RCC2: variants seen among roughly 807,000 people sequenced by gnomAD.
RCC2 encodes regulator of chromosome condensation 2, also known as protein RCC2.
A neutral mutation model predicts 64.1 loss-of-function variants in RCC2; 19 were observed. That is an observed-to-expected ratio of 0.30 (90% CI 0.21 to 0.44). RCC2 has a LOEUF of 0.44. Among genes scored for constraint, RCC2 ranks in the 20% least tolerant of loss-of-function variants. The pLI, the probability that RCC2 is intolerant of heterozygous loss-of-function variation, is 1.00. For synonymous variants in RCC2, 325 were observed against 279.6 expected (o/e 1.16, Z -1.62); for missense variants, 508 against 710.4 (o/e 0.72, Z 3.24).
intron 1 of RCC2, 150 bp downstream of exon 1, chr1:17,439,395 T>G (rs1195180146): frequency 6.7e-6 from 1 of 148,276 alleles, no homozygotes; most frequent in African/African-American, 2.5e-5. Flanking sequence ...TTAAACCACG[T>G]GGATCCGCCT....
Position 17,422,845 on chromosome 1 carries a change from C to G in RCC2, c.524-9G>C. 6.2e-7 allele frequency: 1 copy of G among 1,613,918 alleles called. No individual in the cohort carries two copies. The highest frequency in any genetic ancestry group is 1.3e-5 in the African/African-American group (1 of 75,046). On this transcript the variant is annotated splice_polypyrimidine_tract_variant and intron_variant, in intron 4 of 12. Transcript: ENST00000375436. The stretch of plus-strand genomic sequence containing the variant: ...CCCCTTCTCATTTCGACCTGCAGAT[C>G]ACATGAGAGAAAGTAGAAAAGAGAG...
In RCC2 at chr1:17,438,446, G is replaced by A. The variant is rs2075767387; in HGVS notation, c.69C>T (p.Ala23=). 7.7e-7 allele frequency: 1 copy of A among 1,296,800 alleles called. No homozygotes were observed. The highest frequency in any genetic ancestry group is 2.4e-5 in the South Asian group (1 of 41,002). 80.3% of individuals were successfully genotyped at this position (1,296,800 alleles called of 1,614,324 possible). Residue 23 remains alanine (A), a synonymous_variant, in exon 2 of 13, where the codon GCC becomes GCT. Coordinates refer to ENST00000375436, the MANE Select transcript of RCC2 (RefSeq NM_018715.4). ...CCGGGCCGCCGCGTTTCCTGGGCCC[G>A]GCGCGGGCAGTGCCGTTGCCCGAGC... is the stretch of plus-strand genomic sequence containing the variant. The part of the protein sequence containing the change: ...EPSSGNGTAR[A]GPRKRGGPAG...
intron 11 of RCC2, among the ~76,000 whole-genome samples, chr1:17,411,592 A>G (rs1204974378): frequency 1.3e-5 from 2 of 151,978 alleles, no homozygotes; most frequent in African/African-American, 4.8e-5. Flanking sequence ...AAAAAAAAAA[A>G]AAAAAAGACT....
At chr1:17,410,653 T>C (rs1244642942) in intron 11 of RCC2, among the ~76,000 whole-genome samples, 1 of 151,968 alleles carries the variant, frequency 6.6e-6, no homozygotes, top group African/African-American at 2.4e-5. Context: ...CTGGCTCAGG[T>C]GAAACAGAGG....
chr1:17,413,463 G>A lies in RCC2; in HGVS notation c.1207+74C>T, dbSNP rs555312480. 2.8e-6 allele frequency: 4 copies of A among 1,446,188 alleles called. No individual in the cohort carries two copies. The African/African-American group carries it at 4.3e-5, about 15-fold the overall frequency. The allele number at this position is 1,446,188 out of a possible 1,614,324, so 89.6% of individuals were successfully genotyped here. On this transcript the variant is annotated intron_variant, in intron 9 of 12. Coordinates refer to ENST00000375436, the MANE Select transcript of RCC2 (RefSeq NM_018715.4). ...GGAGGTAAAGAGAATTGGGGTTCGTGGTCTAGGGACAGGACAATGGCTACA... is the reference window on the plus strand; with the variant it reads ...GGAGGTAAAGAGAATTGGGGTTCGTAGTCTAGGGACAGGACAATGGCTACA...
intron 8 of RCC2, among the ~76,000 whole-genome samples, chr1:17,414,169 C>G (rs2100356481): frequency 6.6e-6 from 1 of 152,294 alleles, no homozygotes; most frequent in Admixed American, 6.5e-5. Context: ...AAGTCTTAAC[C>G]CTTTCCTTAA....
intron 7 of RCC2, among the ~76,000 whole-genome samples, chr1:17,417,761 C>G (rs538407525): frequency 2.6e-5 from 4 of 151,992 alleles, no homozygotes; most frequent in Non-Finnish European, 5.9e-5. Flanking sequence ...CCCCTCCATA[C>G]GGCACGCTGG....
intron 6 of RCC2, among the ~76,000 whole-genome samples, chr1:17,421,159 G>GTTT (rs1308695098): frequency 2.6e-5 from 4 of 151,874 alleles, no homozygotes; most frequent in African/African-American, 9.7e-5. Flanking sequence ...GTAGTAGTTT[G>GTTT]TTTTTAAGGT....
In RCC2 at chr1:17,426,108, G is replaced by A. The variant is rs11589211; in HGVS notation, c.380-424C>T. Among the ~76,000 whole-genome samples, 1,326 of 152,202 alleles carry A rather than the reference G, an allele frequency of 8.7e-3. 15 individuals are homozygous for A. Among genetic ancestry groups the A allele is most frequent in the African/African-American group, 0.03 (1,254 of 41,524 alleles). On this transcript the variant is annotated intron_variant, in intron 3 of 12. Coordinates refer to ENST00000375436, the MANE Select transcript of RCC2 (RefSeq NM_018715.4). ...GTCAGCTGAGGAAGAGGCTGACCCA[G>A]GAAACCCCGCTCACCCTGACAGTAA...
chr1:17,437,481 A>C (rs886792996), intron 2 of RCC2, among the ~76,000 whole-genome samples: 10 of 152,128 alleles, frequency 6.6e-5, no homozygotes, highest in Admixed American at 2.6e-4. Flanking sequence ...CGTTAACTTG[A>C]GTCAGCCACG....
intron 7 of RCC2, among the ~76,000 whole-genome samples, chr1:17,417,880 G>A (rs2075505684): frequency 6.6e-6 from 1 of 151,818 alleles, no homozygotes; most frequent in Admixed American, 6.6e-5. Context: ...AAAAATATCT[G>A]GGGGGAGGAG....
intron 2 of RCC2, 71 bp from the exon 3 acceptor site, chr1:17,429,270 G>T: frequency 1.6e-6 from 2 of 1,218,498 alleles, no homozygotes; most frequent in South Asian, 1.2e-5. Context: ...GCTGTCCAAT[G>T]ACAGCACGAA....
In RCC2 at chr1:17,422,185, G is replaced by C. The variant is rs370101043; in HGVS notation, c.744+18C>G. 1 of 1,564,614 alleles carries C rather than the reference G, an allele frequency of 6.4e-7. No individual in the cohort carries two copies. Among genetic ancestry groups the C allele is most frequent in the Non-Finnish European group, 8.7e-7 (1 of 1,146,112 alleles). ...AGAGAAACAAAAAGCCATGGAGCCG[G>C]AGCTGAGGAGGGGTCACCTGCGCGG... On this transcript the variant is annotated intron_variant, in intron 6 of 12. Transcript: ENST00000375436.
intron 8 of RCC2, 88 bp downstream of exon 8, chr1:17,416,392 A>G: frequency 7.0e-7 from 1 of 1,436,148 alleles, no homozygotes; most frequent in South Asian, 1.3e-5. Context: ...ATCAGTTCCT[A>G]GCCAAAGCCA....
At chr1:17,431,632 T>G (rs1266792474) in intron 2 of RCC2, among the ~76,000 whole-genome samples, 2 of 151,604 alleles carry the variant, frequency 1.3e-5, no homozygotes, top group African/African-American at 4.8e-5. Flanking sequence ...TTTCTAAGAT[T>G]ACACATCTTC....
chr1:17,409,119 G>A lies in RCC2; in HGVS notation c.1540C>T (p.Leu514=), dbSNP rs765696581. ...SETEKEKIKK[L]PEYNPRTL ...AGGGTTCGGGGGTTGTATTCTGGCA[G>A]TTTCTTGATCTTCTCTTTCTCAGTC... The change falls in exon 13 of 13, where the codon CTG becomes TTG. Residue 514 remains leucine (L), a synonymous_variant. Transcript: ENST00000375436. The A allele has an allele frequency of 1.8e-5, 29 of 1,613,910 alleles. No homozygotes were observed. Among genetic ancestry groups the A allele is most frequent in the Non-Finnish European group, 2.5e-5 (29 of 1,179,886 alleles).
intron 8 of RCC2, among the ~76,000 whole-genome samples, chr1:17,414,564 CACA>C (rs2075461704): frequency 7.0e-6 from 1 of 143,272 alleles, no homozygotes; most frequent in Non-Finnish European, 1.5e-5. Flanking sequence ...AAAAAAAAAA[CACA>C]ACAAAAAAAA....
intron 8 of RCC2, among the ~76,000 whole-genome samples, chr1:17,416,085 G>A (rs1347412432): frequency 9.0e-6 from 1 of 110,794 alleles, no homozygotes; most frequent in Admixed American, 1.1e-4. Flanking sequence ...AAAAGGGGGG[G>A]GGGGCGGGGG....
At chr1:17,415,989 A>G (rs2075479022) in intron 8 of RCC2, among the ~76,000 whole-genome samples, 1 of 147,122 alleles carries the variant, frequency 6.8e-6, no homozygotes, top group Admixed American at 7.1e-5. Context: ...GAATTGCTTG[A>G]ACCTGGGAGG....
Sources: gnomAD v4.1 joint callset for allele counts (sites outside exome capture counted in the v4.1 genomes callset) on GRCh38, gnomAD v4.1.1 for gene constraint, MANE v1.5 for transcripts, NCBI Gene and HGNC (gene_info 2026-07-23, HGNC 2026-07-21) for gene names.